TAAR1: variants seen among roughly 807,000 people sequenced by gnomAD.
TAAR1 encodes trace amine-associated receptor 1.
Under a neutral mutation model 1.2 loss-of-function variants are expected in TAAR1, and 1 was observed. The ratio of observed to expected loss-of-function variants is 0.81; its 90% CI spans 0.29 to 3.86. The LOEUF (loss-of-function observed/expected upper bound fraction) is 3.86, where lower values mean the gene tolerates loss of function less well. TAAR1 is among the 30% of genes most tolerant of loss of function. The probability of loss-of-function intolerance (pLI) is 0.18; values close to 1 mark genes in which losing one functional copy is unlikely to be tolerated. For synonymous variants in TAAR1, 153 were observed against 132.2 expected, an observed-to-expected ratio of 1.16 and a Z score of -1.08; for missense variants, 445 against 405.6, an observed-to-expected ratio of 1.10 and a Z score of -0.83.
intron 1 of TAAR1, among the ~76,000 whole-genome samples, chr6:132,654,116 G>A (rs565851507): frequency 9.2e-5 from 14 of 152,122 alleles, no homozygotes; most frequent in Non-Finnish European, 1.0e-4. Flanking sequence ...TTTGGTTCCC[G>A]AACCAAGAAA....
In TAAR1 at chr6:132,645,305, A is replaced by T. The variant is rs909885819; in HGVS notation, c.699T>A (p.Ile233=). The change falls in exon 2 of 2, where the codon ATT becomes ATA. Residue 233 remains isoleucine (I), a synonymous_variant. Transcript: ENST00000275216. ...LISDANQKLQ[I]GLEMKNGISQ... Reference sequence around the variant, plus strand: ...AAATTCCATTTTTCATTTCCAATCCAATTTGGAGCTTCTGATTGGCATCAC... The same window carrying T: ...AAATTCCATTTTTCATTTCCAATCCTATTTGGAGCTTCTGATTGGCATCAC... 2 of 1,613,574 alleles carry T rather than the reference A, an allele frequency of 1.2e-6. No individual in the cohort carries two copies. Among genetic ancestry groups the T allele is most frequent in the African/African-American group, 1.3e-5 (1 of 75,004 alleles).
At chr6:132,652,874 T>C (rs1341725287) in intron 1 of TAAR1, among the ~76,000 whole-genome samples, 3 of 150,430 alleles carry the variant, frequency 2.0e-5, no homozygotes, top group African/African-American at 7.4e-5. Flanking sequence ...GGAGAGTAGG[T>C]TCAATAGCTG....
At chr6:132,647,652 G>GAAAGAAAGA (rs1777698405) in intron 1 of TAAR1, among the ~76,000 whole-genome samples, 1 of 146,898 alleles carries the variant, frequency 6.8e-6, no homozygotes, top group East Asian at 2.0e-4. Context: ...AAGAAAGAAA[G>GAAAGAAAGA]AAAGAAAGAA....
Position 132,659,158 on chromosome 6 carries a change from C to T in TAAR1, c.-155G>A, listed in dbSNP as rs9399037. On this transcript the variant is annotated 5_prime_UTR_variant, in exon 1 of 2. Coordinates refer to ENST00000275216, the MANE Select transcript of TAAR1 (RefSeq NM_138327.4). The stretch of plus-strand genomic sequence containing the variant: ...CTCAGGTAAGAGTGAACACAGTCAG[C>T]GGATGAGCAGACAGCAGGAACACTG... Among the ~76,000 whole-genome samples, 24,293 of 152,120 alleles carry T rather than the reference C, an allele frequency of 0.16. 2,436 individuals carry two copies. The highest frequency in any genetic ancestry group is 0.36 in the East Asian group (1,851 of 5,176).
chr6:132,653,654 A>C (rs1033787626), intron 1 of TAAR1, among the ~76,000 whole-genome samples: 1 of 152,220 alleles, frequency 6.6e-6, no homozygotes, highest in Admixed American at 6.5e-5. Flanking sequence ...TCTAAAATAC[A>C]TGATACCCTG....
intron 1 of TAAR1, among the ~76,000 whole-genome samples, chr6:132,657,919 G>C (rs1014222136): frequency 2.0e-5 from 3 of 151,830 alleles, no homozygotes; most frequent in Non-Finnish European, 4.4e-5. Context: ...TTTATAAATT[G>C]AGTTTCATTT....
In TAAR1 at chr6:132,645,854, G is replaced by A. The variant is rs756496526; in HGVS notation, c.150C>T (p.His50=). 5.0e-6 allele frequency: 8 copies of A among 1,613,826 alleles called. No homozygotes were observed. The highest frequency in any genetic ancestry group is 3.3e-4 in the Middle Eastern group (2 of 6,054). Residue 50 remains histidine (H), a synonymous_variant, in exon 2 of 2, where the codon CAC becomes CAT. Transcript: ENST00000275216. The part of the protein sequence containing the change: ...GNLIVIVSIS[H]FKQLHTPTNW... ...TTGTTGGGGTATGAAGTTGTTTGAA[G>A]TGTGATATAGAAACAATAACTATCA... is the stretch of plus-strand genomic sequence containing the variant.
intron 1 of TAAR1, among the ~76,000 whole-genome samples, chr6:132,646,757 T>C (rs1777676731): frequency 6.6e-6 from 1 of 152,168 alleles, no homozygotes; most frequent in African/African-American, 2.4e-5. Flanking sequence ...AAGGAAGACA[T>C]GACATGCTTC....
At chr6:132,646,246 G>C (rs533678430) in intron 1 of TAAR1, among the ~76,000 whole-genome samples, 117 bp from the exon 2 acceptor site, 1 of 152,232 alleles carries the variant, frequency 6.6e-6, no homozygotes, top group East Asian at 1.9e-4. Flanking sequence ...TTATTTCCAA[G>C]TTCCATTCAA....
At chr6:132,653,441 G>A (rs760463192) in intron 1 of TAAR1, among the ~76,000 whole-genome samples, 11 of 152,262 alleles carry the variant, frequency 7.2e-5, no homozygotes, top group East Asian at 3.9e-4. Flanking sequence ...ATGCCTGGTC[G>A]GCATGTTTGG....
At chr6:132,654,721 A>G (rs1777784742) in intron 1 of TAAR1, among the ~76,000 whole-genome samples, 1 of 152,182 alleles carries the variant, frequency 6.6e-6, no homozygotes, top group African/African-American at 2.4e-5. Context: ...ACCTCCTAAT[A>G]ATACTCTTAA....
chr6:132,658,604 A>G (rs1240178855), intron 1 of TAAR1, among the ~76,000 whole-genome samples: 2 of 152,090 alleles, frequency 1.3e-5, no homozygotes, highest in South Asian at 2.1e-4. Flanking sequence ...TTTCCTACCA[A>G]ATATATTTGC....
intron 1 of TAAR1, among the ~76,000 whole-genome samples, chr6:132,654,300 G>A (rs368985023): frequency 1.2e-4 from 19 of 152,188 alleles, no homozygotes; most frequent in East Asian, 3.9e-4. Flanking sequence ...TCATGTGTTC[G>A]CATCAGTGTT....
In TAAR1 at chr6:132,645,300, A is replaced by G. The variant is rs1032198819; in HGVS notation, c.704T>C (p.Leu235Ser). The G allele has an allele frequency of 4.3e-6, 7 of 1,613,580 alleles. No homozygotes were observed. Among genetic ancestry groups the G allele is most frequent in the Non-Finnish European group, 5.9e-6 (7 of 1,179,774 alleles). ...SDANQKLQIG[L>S]EMKNGISQSK... ...TTGTGAAATTCCATTTTTCATTTCC[A>G]ATCCAATTTGGAGCTTCTGATTGGC... Residue 235 changes from leucine (L) to serine (S), a missense_variant, in exon 2 of 2, where the codon TTG (leucine) becomes TCG (serine). Coordinates refer to ENST00000275216, the MANE Select transcript of TAAR1 (RefSeq NM_138327.4).
At chr6:132,652,420 C>T (rs1367234313) in intron 1 of TAAR1, among the ~76,000 whole-genome samples, 1 of 150,516 alleles carries the variant, frequency 6.6e-6, no homozygotes, top group East Asian at 2.0e-4. Flanking sequence ...AATTCTCCTG[C>T]CTCAACCTCC....
chr6:132,645,155 A>G lies in TAAR1; in HGVS notation c.849T>C (p.Pro283=). ...ACCAAATCAATACATCATTCAAAGTAGGTGGAATAATGTAGTGAAGAAAAG... is the reference window on the plus strand; with the variant it reads ...ACCAAATCAATACATCATTCAAAGTGGGTGGAATAATGTAGTGAAGAAAAG... ...MDPFLHYIIP[P]TLNDVLIWFG... is the part of the protein sequence containing the mutation. Residue 283 remains proline (P), a synonymous_variant, in exon 2 of 2, where the codon CCT becomes CCC. Coordinates refer to ENST00000275216, the MANE Select transcript of TAAR1 (RefSeq NM_138327.4). The G allele has an allele frequency of 6.2e-7, 1 of 1,612,886 alleles. No individual in the cohort carries two copies. Among genetic ancestry groups the G allele is most frequent in the Non-Finnish European group, 8.5e-7 (1 of 1,179,510 alleles).
chr6:132,650,623 T>G (rs2114281716), intron 1 of TAAR1, among the ~76,000 whole-genome samples: 1 of 152,326 alleles, frequency 6.6e-6, no homozygotes, highest in East Asian at 1.9e-4. Flanking sequence ...AAAAAAGTGA[T>G]GCAATCAGAA....
Position 132,646,044 on chromosome 6 carries a change from T to G in TAAR1, c.-41A>C, listed in dbSNP as rs901503899. ...ATCAGTTTACTTTTCCCTTTGTGTG[T>G]TGATTTATCTTTTTCCCAAATCCAT... On this transcript the variant is annotated 5_prime_UTR_variant, in exon 2 of 2. Coordinates refer to ENST00000275216, the MANE Select transcript of TAAR1 (RefSeq NM_138327.4). 6.6e-7 allele frequency: 1 copy of G among 1,522,264 alleles called. No individual in the cohort carries two copies. The highest frequency in any genetic ancestry group is 1.4e-5 in the African/African-American group (1 of 71,918). The allele number at this position is 1,522,264 out of a possible 1,614,324, so 94.3% of individuals were successfully genotyped here. A position where few individuals can be genotyped will look rare whatever the true frequency, so the allele number is the denominator to read the frequency against.
chr6:132,644,503 T>C lies in TAAR1; in HGVS notation c.*481A>G, dbSNP rs1039765678. 1.3e-5 allele frequency among the ~76,000 whole-genome samples: 2 copies of C among 152,038 alleles called. No individual in the cohort carries two copies. Among genetic ancestry groups the C allele is most frequent in the Non-Finnish European group, 2.9e-5 (2 of 67,948 alleles). On this transcript the variant is annotated 3_prime_UTR_variant, in exon 2 of 2. Coordinates refer to ENST00000275216, the MANE Select transcript of TAAR1 (RefSeq NM_138327.4). The stretch of plus-strand genomic sequence containing the variant: ...TAAGGATTGGAATATATATTAACAA[T>C]ACAAATAAATTATGTGTCAACAATT...
Sources: allele counts gnomAD v4.1 joint callset (sites outside exome capture counted in the v4.1 genomes callset), GRCh38; gene constraint gnomAD v4.1.1; transcripts MANE v1.5; gene names NCBI Gene and HGNC (gene_info 2026-07-23, HGNC 2026-07-21).